The following USH2A variants were observed in gnomAD, a reference collection of about 807,000 sequenced individuals.
USH2A encodes the protein Usher syndrome 2A (autosomal recessive, mild).
A neutral mutation model predicts 538.9 loss-of-function variants in USH2A; 443 were observed. The ratio of observed to expected loss-of-function variants is 0.82; its 90% CI spans 0.76 to 0.89. The LOEUF (loss-of-function observed/expected upper bound fraction) is 0.89. Ranked by LOEUF, USH2A falls within the 40% of genes least tolerant of loss-of-function variation. The pLI, the probability that USH2A is intolerant of heterozygous loss-of-function variation, is 0.00. For missense variants in USH2A, 6,633 were observed against 6,324.8 expected, an observed-to-expected ratio of 1.05 and a Z score of -1.65; for synonymous variants, 2,413 against 2,273.5, an observed-to-expected ratio of 1.06 and a Z score of -1.75.
At chr1:216,270,030 T>C (rs758641951) in intron 11 of USH2A, among the ~76,000 whole-genome samples, 6 of 152,166 alleles carry the variant, frequency 3.9e-5, no homozygotes, top group Non-Finnish European at 8.8e-5. Context: ...AAAGGAAATA[T>C]GAAGCATGAT....
rs569948206 is a variant in USH2A at position 216,403,890 on chromosome 1, T to G, written c.651+14624A>C. 3.3e-5 allele frequency among the ~76,000 whole-genome samples: 5 copies of G among 152,248 alleles called. No individual in the cohort carries two copies. The South Asian group carries it at 8.3e-4, about 25-fold the overall frequency. On this transcript the variant is annotated intron_variant, in intron 3 of 71. Coordinates refer to ENST00000307340, the MANE Select transcript of USH2A (RefSeq NM_206933.4). ...TGATAGTGAGTGAGTTCTCACGAGA[T>G]CTGATGGCTTAATAAGGGGATCTTT... is the stretch of plus-strand genomic sequence containing the variant.
chr1:216,196,427 A>T, intron 19 of USH2A, 126 bp downstream of exon 19: 2 of 990,592 alleles, frequency 2.0e-6, no homozygotes, highest in Non-Finnish European at 3.1e-6. Context: ...ATATTATATT[A>T]AGAAAAAATG....
intron 40 of USH2A, among the ~76,000 whole-genome samples, chr1:215,896,151 T>C (rs1665333847): frequency 6.6e-6 from 1 of 152,222 alleles, no homozygotes; most frequent in Admixed American, 6.5e-5. Context: ...AATAAACTGT[T>C]CGAATTCTAC....
intron 3 of USH2A, among the ~76,000 whole-genome samples, chr1:216,382,016 A>G (rs567507520): frequency 6.6e-6 from 1 of 152,206 alleles, no homozygotes; most frequent in Non-Finnish European, 1.5e-5. Context: ...TATTCTTGCA[A>G]GAGCTTCTAA....
intron 32 of USH2A, among the ~76,000 whole-genome samples, chr1:216,041,336 C>A (rs557575180): frequency 1.1e-3 from 160 of 151,992 alleles, no homozygotes; most frequent in Non-Finnish European, 1.9e-3. Flanking sequence ...TGTACTAACT[C>A]AAGGTGCAGC....
intron 21 of USH2A, among the ~76,000 whole-genome samples, chr1:216,144,246 T>C (rs564801953): frequency 6.6e-6 from 1 of 152,254 alleles, no homozygotes; most frequent in Non-Finnish European, 1.5e-5. Flanking sequence ...TACGACCCTT[T>C]TGGAGAACAA....
In USH2A at chr1:216,325,409, C is replaced by G. The variant is rs772317024; in HGVS notation, c.1039G>C (p.Asp347His). 1.9e-6 allele frequency: 3 copies of G among 1,613,924 alleles called. No homozygotes were observed. The highest frequency in any genetic ancestry group is 2.5e-6 in the Non-Finnish European group (3 of 1,179,912). ...PEAHPLSFVN[D>H]NDVGTSWVSN... Reference sequence around the variant, plus strand: ...ACCCATGAAGTACCAACATCATTATCATTGACAAAAGAGAGAGGATGGGCT... The same window carrying G: ...ACCCATGAAGTACCAACATCATTATGATTGACAAAAGAGAGAGGATGGGCT... Residue 347 changes from aspartate to histidine, a missense_variant, in exon 6 of 72, where the codon GAT becomes CAT. Physicochemically the swap from Asp to His is moderately conservative, Grantham distance 81 (BLOSUM62 -1). Transcript: ENST00000307340.
chr1:216,057,283 A>C (rs1333864257), intron 30 of USH2A, among the ~76,000 whole-genome samples: 1 of 152,218 alleles, frequency 6.6e-6, no homozygotes, highest in African/African-American at 2.4e-5. Flanking sequence ...GCTAAGCAGG[A>C]ACATTACATC....
intron 11 of USH2A, among the ~76,000 whole-genome samples, chr1:216,277,681 C>G (rs991533813): frequency 2.0e-5 from 3 of 152,120 alleles, no homozygotes; most frequent in Non-Finnish European, 4.4e-5. Context: ...AAAGTGGTTA[C>G]CCAGCTAGAG....
intron 44 of USH2A, among the ~76,000 whole-genome samples, chr1:215,862,189 T>C (rs1664335330): frequency 6.6e-6 from 1 of 152,124 alleles, no homozygotes; most frequent in South Asian, 2.1e-4. Context: ...TTTAGCCAAG[T>C]CAGGTAATTA....
At chr1:215,974,371 G>A (rs548280380) in intron 35 of USH2A, among the ~76,000 whole-genome samples, 14 of 152,000 alleles carry the variant, frequency 9.2e-5, no homozygotes, top group East Asian at 3.9e-4. Flanking sequence ...TTTTAGATTC[G>A]GGGGTTCATG....
chr1:215,802,039 A>T (rs1571700680), intron 49 of USH2A, among the ~76,000 whole-genome samples: 1 of 149,478 alleles, frequency 6.7e-6, no homozygotes, highest in Non-Finnish European at 1.5e-5. Flanking sequence ...TTTTTTTTTT[A>T]AAGAATGTTG....
intron 21 of USH2A, among the ~76,000 whole-genome samples, chr1:216,144,361 A>G (rs1472213928): frequency 6.6e-6 from 1 of 151,832 alleles, no homozygotes; most frequent in Non-Finnish European, 1.5e-5. Context: ...TTTTTTTAAT[A>G]CTTGGAAAAT....
chr1:216,289,252 T>C (rs199918627), intron 11 of USH2A, 28 bp downstream of exon 11: 302 of 1,613,470 alleles, frequency 1.9e-4, no homozygotes, highest in Non-Finnish European at 1.8e-4. Context: ...AGAGTAATCC[T>C]TTACCTTAAA....
chr1:216,363,090 A>T (rs2038528104), intron 4 of USH2A, among the ~76,000 whole-genome samples: 1 of 152,014 alleles, frequency 6.6e-6, no homozygotes, highest in South Asian at 2.1e-4. Flanking sequence ...CCAGTTAATT[A>T]TATGTTAATA....
chr1:215,825,181 AC>A (rs1663119735), intron 47 of USH2A, among the ~76,000 whole-genome samples: 1 of 152,128 alleles, frequency 6.6e-6, no homozygotes, highest in Non-Finnish European at 1.5e-5. Context: ...TGTTACTACT[AC>A]ATACTATTGT....
chr1:216,422,248 A>T lies in USH2A; in HGVS notation c.89T>A (p.Leu30Ter). The change falls in exon 2 of 72, where the codon TTG becomes TAG. Residue 30 changes from leucine (L) to a stop codon, truncating the protein, a stop_gained. Transcript: ENST00000307340. LOFTEE classifies it high-confidence loss of function. ...TGGGAAAAGACCTCGTGACTCAGTC[A>T]AGGATATTGAAGCAAAATAGGCAAA... is the stretch of plus-strand genomic sequence containing the variant. ...LIFAYFASISLTESRGLFPRL... is the reference protein window; with the variant it reads ...LIFAYFASIS 1 of 1,613,654 alleles carries T rather than the reference A, an allele frequency of 6.2e-7. No homozygotes were observed. The highest frequency in any genetic ancestry group is 8.5e-7 in the Non-Finnish European group (1 of 1,179,810).
chr1:215,945,184 A>T (rs1160881634), intron 37 of USH2A, among the ~76,000 whole-genome samples: 1 of 152,140 alleles, frequency 6.6e-6, no homozygotes, highest in Non-Finnish European at 1.5e-5. Flanking sequence ...AAGCAAAGAG[A>T]GTTTGATATA....
chr1:216,126,462 A>G (rs144927621), intron 21 of USH2A, among the ~76,000 whole-genome samples: 8,031 of 152,208 alleles, frequency 0.053, 333 homozygotes, highest in East Asian at 0.18. Flanking sequence ...TGACCTCGTG[A>G]TCTGCCTGCC....
Sources: allele counts gnomAD v4.1 joint callset (sites outside exome capture counted in the v4.1 genomes callset), GRCh38; gene constraint gnomAD v4.1.1; transcripts MANE v1.5; gene names NCBI Gene and HGNC (gene_info 2026-07-23, HGNC 2026-07-21).